Variants in RFFL observed in about 807,000 individuals in gnomAD.
RFFL encodes ring finger and FYVE like domain containing E3 ubiquitin protein ligase.
A neutral mutation model predicts 40.4 loss-of-function variants in RFFL; 16 were observed. The observed-to-expected ratio is 0.40, with a 90% confidence interval of 0.27 to 0.60. The LOEUF (loss-of-function observed/expected upper bound fraction) is 0.60. Ranked by LOEUF, RFFL falls within the 20% of genes least tolerant of loss-of-function variation. RFFL has a pLI of 0.47. For missense variants in RFFL, 367 were observed against 451.7 expected (o/e 0.81, Z 1.70); for synonymous variants, 154 against 167.9 (o/e 0.92, Z 0.64).
chr17:35,013,546 T>C (rs1181989586), intron 6 of RFFL, among the ~76,000 whole-genome samples: 1 of 152,148 alleles, frequency 6.6e-6, no homozygotes, highest in Non-Finnish European at 1.5e-5. Context: ...CCTTATTGCA[T>C]CTATACTTTC....
rs536402548 is a variant in RFFL, at chr17:35,080,297, T to C, written c.-9+8808A>G. Among the ~76,000 whole-genome samples the C allele has an allele frequency of 4.1e-4, 63 of 152,294 alleles. 1 individual carries two copies. The South Asian group carries it at 0.012, about 29-fold the overall frequency. On this transcript the variant is annotated intron_variant, in intron 1 of 6. Transcript: ENST00000315249. Reference sequence around the variant, plus strand: ...GACCTAGAAGAGGGTTGGAAGTTGATAGAGGATGAAGCTTGGTTATTTCTC... The same window carrying C: ...GACCTAGAAGAGGGTTGGAAGTTGACAGAGGATGAAGCTTGGTTATTTCTC...
At chr17:35,043,253 T>C (rs1420964941) in intron 1 of RFFL, among the ~76,000 whole-genome samples, 5 of 152,194 alleles carry the variant, frequency 3.3e-5, no homozygotes, top group Non-Finnish European at 5.9e-5. Flanking sequence ...AATAAATGAA[T>C]GAGCTTGAGT....
At chr17:35,058,868 C>T (rs955516584) in intron 1 of RFFL, among the ~76,000 whole-genome samples, 6 of 151,978 alleles carry the variant, frequency 3.9e-5, no homozygotes, top group African/African-American at 1.5e-4. Flanking sequence ...TCAATGTCCC[C>T]TCCTCTTGTA....
At chr17:35,056,375 CTTTTTTTT>C (rs71147455) in intron 1 of RFFL, among the ~76,000 whole-genome samples, 1 of 120,722 alleles carries the variant, frequency 8.3e-6, no homozygotes, top group Non-Finnish European at 1.7e-5. Context: ...TTTACTTCTA[CTTTTTTTT>C]TTTTTTTTTT....
At chr17:35,031,358 C>T (rs1014908026) in intron 1 of RFFL, among the ~76,000 whole-genome samples, 3 of 151,902 alleles carry the variant, frequency 2.0e-5, no homozygotes, top group African/African-American at 4.8e-5. Context: ...CCGCCTGCCA[C>T]GGCCTCCCAA....
At chr17:35,014,298 GTC>G (rs1361654237) in intron 6 of RFFL, among the ~76,000 whole-genome samples, 1 of 152,118 alleles carries the variant, frequency 6.6e-6, no homozygotes, top group Non-Finnish European at 1.5e-5. Context: ...AAACAGGGCT[GTC>G]TCAGGTCACC....
upstream of RFFL, among the ~76,000 whole-genome samples, chr17:35,065,451 G>A (rs1203114949): frequency 6.6e-6 from 1 of 151,748 alleles, no homozygotes; most frequent in East Asian, 1.9e-4. Context: ...AGCTACTCGG[G>A]AGGCTGAGGC....
Position 35,027,081 on chromosome 17 carries a change from G to C in RFFL, c.-8-520C>G, listed in dbSNP as rs183074922. 3.8e-3 allele frequency among the ~76,000 whole-genome samples: 578 copies of C among 152,220 alleles called. 3 individuals carry two copies. The highest frequency in any genetic ancestry group is 0.013 in the African/African-American group (528 of 41,526). On this transcript the variant is annotated intron_variant, in intron 1 of 6. Coordinates refer to ENST00000394597, the MANE Select transcript of RFFL (RefSeq NM_001017368.2). ...ATCAAATATATAGCCAATATATAGA[G>C]AGCTAATATACAGAGTTGAGATTCT...
chr17:35,017,955 T>C (rs1567700757), intron 3 of RFFL, among the ~76,000 whole-genome samples: 1 of 152,208 alleles, frequency 6.6e-6, no homozygotes, highest in South Asian at 2.1e-4. Flanking sequence ...GACTGCTCTC[T>C]ATCTGGCATC....
chr17:35,021,832 C>CA, intron 2 of RFFL, 51 bp from the exon 3 acceptor site: 5 of 1,589,374 alleles, frequency 3.1e-6, no homozygotes, highest in African/African-American at 1.3e-5. Context: ...GAGAACAAGA[C>CA]AGAGAGTGCG....
intron 1 of RFFL, chr17:35,042,175 C>T (rs530910927): frequency 6.6e-6 from 1 of 152,098 alleles, no homozygotes; most frequent in Non-Finnish European, 1.5e-5. Flanking sequence ...TGATTTATAC[C>T]AACAGCATAA....
intron 1 of RFFL, among the ~76,000 whole-genome samples, chr17:35,062,516 T>C (rs1393072240): frequency 6.6e-6 from 1 of 152,190 alleles, no homozygotes; most frequent in African/African-American, 2.4e-5. Context: ...ATGGATACAA[T>C]TCTAGCAAAG....
intron 1 of RFFL, among the ~76,000 whole-genome samples, chr17:35,040,992 C>T (rs1028689611): frequency 4.0e-5 from 6 of 151,588 alleles, no homozygotes; most frequent in East Asian, 3.9e-4. Flanking sequence ...GATCCTCCTG[C>T]GTCAGGCTCC....
chr17:35,019,358 C>T (rs933137031), intron 3 of RFFL, among the ~76,000 whole-genome samples: 4 of 152,078 alleles, frequency 2.6e-5, no homozygotes, highest in African/African-American at 9.7e-5. Context: ...ATTGAAAAAT[C>T]TACCTGAAAA....
At chr17:35,084,195 T>A (rs1782415037) in intron 1 of RFFL, among the ~76,000 whole-genome samples, 1 of 151,948 alleles carries the variant, frequency 6.6e-6, no homozygotes. Flanking sequence ...GCCGAGATCA[T>A]GCCACGCACT....
intron 1 of RFFL, among the ~76,000 whole-genome samples, chr17:35,040,624 A>C (rs987622321): frequency 2.0e-5 from 3 of 151,756 alleles, no homozygotes; most frequent in Non-Finnish European, 4.4e-5. Context: ...AAGTAAAAAA[A>C]AAATAAAAAA....
chr17:35,033,158 C>T (rs2091096657), intron 1 of RFFL, among the ~76,000 whole-genome samples: 1 of 151,896 alleles, frequency 6.6e-6, no homozygotes, highest in South Asian at 2.1e-4. Context: ...TGAGGAGTCC[C>T]CAAAAGATTA....
At chr17:35,051,030 A>G (rs1329442642) in intron 1 of RFFL, among the ~76,000 whole-genome samples, 2 of 152,242 alleles carry the variant, frequency 1.3e-5, no homozygotes, top group African/African-American at 4.8e-5. Flanking sequence ...AAAATTTCCC[A>G]TTGTTATTTA....
At chr17:35,028,347 A>G (rs937658977) in intron 1 of RFFL, among the ~76,000 whole-genome samples, 1 of 152,086 alleles carries the variant, frequency 6.6e-6, no homozygotes, top group Non-Finnish European at 1.5e-5. Context: ...TGTCTCAAAA[A>G]AAAAAAAAGT....
Sources: allele counts gnomAD v4.1 joint callset (sites outside exome capture counted in the v4.1 genomes callset), GRCh38; gene constraint gnomAD v4.1.1; transcripts MANE v1.5; gene names NCBI Gene and HGNC (gene_info 2026-07-23, HGNC 2026-07-21).